Variants in STK3 observed in about 807,000 individuals in gnomAD.
STK3 encodes the protein serine/threonine kinase 3, also known as serine/threonine-protein kinase 3.
In STK3, 41 loss-of-function variants were observed where a neutral mutation model predicts 58.0. The ratio of observed to expected loss-of-function variants is 0.71; its 90% CI spans 0.55 to 0.92. STK3 has a LOEUF of 0.92. Among genes scored for constraint, STK3 ranks in the 40% least tolerant of loss-of-function variants. STK3 has a pLI of 0.00. For synonymous variants in STK3, 170 were observed against 191.0 expected (o/e 0.89, Z 0.91); for missense variants, 479 against 602.7 (o/e 0.79, Z 2.15).
rs139347196 is a variant in STK3 at position 98,446,618 on chromosome 8, G to C, written n.186-9410C>G. On this transcript the variant is annotated intron_variant and non_coding_transcript_variant, in intron 1 of 3. Transcript: ENST00000517832. Reference sequence around the variant, plus strand: ...AAAAGTCAAAAAATAACAGATGCTGGTGAGGTTGCGGAGAAAAGGGAATGC... The same window carrying C: ...AAAAGTCAAAAAATAACAGATGCTGCTGAGGTTGCGGAGAAAAGGGAATGC... Among the ~76,000 whole-genome samples, 546 of 152,276 alleles carry C rather than the reference G, an allele frequency of 3.6e-3. 2 individuals are homozygous for C. The highest frequency in any genetic ancestry group is 6.2e-3 in the Non-Finnish European group (425 of 68,022).
At chr8:98,373,053 G>C (rs1817627598) in intron 2 of STK3, among the ~76,000 whole-genome samples, 1 of 152,184 alleles carries the variant, frequency 6.6e-6, no homozygotes, top group Non-Finnish European at 1.5e-5. Context: ...CTGTAGGAGG[G>C]GAAAGACAGA....
chr8:98,647,528 A>G (rs1157215748), intron 6 of STK3, among the ~76,000 whole-genome samples: 2 of 152,216 alleles, frequency 1.3e-5, no homozygotes, highest in Non-Finnish European at 2.9e-5. Context: ...CTTAAAATAC[A>G]ATAAATATAT....
downstream of STK3, among the ~76,000 whole-genome samples, chr8:98,450,006 C>T (rs1042161602): frequency 2.6e-5 from 4 of 152,148 alleles, no homozygotes; most frequent in East Asian, 1.9e-4. Context: ...GAGTCATAAA[C>T]CCAATAAAAC....
chr8:98,392,775 G>A (rs1817860379), upstream of STK3, among the ~76,000 whole-genome samples: 1 of 152,178 alleles, frequency 6.6e-6, no homozygotes, highest in South Asian at 2.1e-4. Context: ...CTTGAGGGGG[G>A]CTTTCCACTT....
chr8:98,613,646 A>T (rs1302782695), intron 6 of STK3, among the ~76,000 whole-genome samples: 1 of 151,268 alleles, frequency 6.6e-6, no homozygotes, highest in Non-Finnish European at 1.5e-5. Flanking sequence ...CACAGGAAGT[A>T]AAAAAAAAGA....
chr8:98,374,314 G>A (rs1002828160), intron 2 of STK3, among the ~76,000 whole-genome samples: 5 of 152,152 alleles, frequency 3.3e-5, no homozygotes, highest in Non-Finnish European at 7.4e-5. Context: ...GAAAGAGGCC[G>A]TCTGTCTAAG....
chr8:98,687,486 C>G (rs764065114), intron 6 of STK3, among the ~76,000 whole-genome samples: 2 of 152,174 alleles, frequency 1.3e-5, no homozygotes, highest in Non-Finnish European at 2.9e-5. Flanking sequence ...GCTGTGTGAC[C>G]CGGTTCCTAA....
chr8:98,711,361 A>G (rs2131105320), intron 4 of STK3, among the ~76,000 whole-genome samples: 1 of 152,320 alleles, frequency 6.6e-6, no homozygotes, highest in East Asian at 1.9e-4. Flanking sequence ...GTACGAACCC[A>G]GGCAAAGAAG....
chr8:98,670,229 C>A (rs879698309), intron 6 of STK3, among the ~76,000 whole-genome samples: 1 of 151,908 alleles, frequency 6.6e-6, no homozygotes, highest in African/African-American at 2.4e-5. Flanking sequence ...ATTAGCTAGG[C>A]GTGGTGGTGT....
chr8:98,760,331 G>A (rs950973064), intron 3 of STK3, among the ~76,000 whole-genome samples: 1 of 151,916 alleles, frequency 6.6e-6, no homozygotes. Context: ...GTACAGACAG[G>A]GTCTCACTAC....
At chr8:98,401,931 A>T (rs1208548999) in intron 3 of STK3, among the ~76,000 whole-genome samples, 2 of 152,204 alleles carry the variant, frequency 1.3e-5, no homozygotes, top group Non-Finnish European at 2.9e-5. Flanking sequence ...TTGTAAAAAA[A>T]ATTCAAGGAA....
chr8:98,840,628 T>TATATATATATAC (rs1477381215), intron 3 of STK3, among the ~76,000 whole-genome samples: 11 of 114,460 alleles, frequency 9.6e-5, no homozygotes, highest in South Asian at 2.8e-4. Context: ...TATATATATA[T>TATATATATATAC]ACACACACAT....
At chr8:98,382,994 C>T (rs1477762506) in intron 1 of STK3, among the ~76,000 whole-genome samples, 1 of 152,178 alleles carries the variant, frequency 6.6e-6, no homozygotes, top group African/African-American at 2.4e-5. Context: ...CTCTGGGAAC[C>T]TTCTCTGTGC....
intron 3 of STK3, among the ~76,000 whole-genome samples, chr8:98,409,885 G>T (rs1449424636): frequency 6.6e-6 from 1 of 152,108 alleles, no homozygotes; most frequent in African/African-American, 2.4e-5. Context: ...TACCCTCGTT[G>T]GTCCCTTCCT....
At chr8:98,804,572 G>A (rs1833788988) in intron 1 of STK3, among the ~76,000 whole-genome samples, 1 of 152,142 alleles carries the variant, frequency 6.6e-6, no homozygotes, top group African/African-American at 2.4e-5. Context: ...TTTTAAGGTA[G>A]ATATCCTTTT....
chr8:98,676,535 C>T (rs1046704129), intron 6 of STK3, among the ~76,000 whole-genome samples: 3 of 151,628 alleles, frequency 2.0e-5, no homozygotes, highest in Non-Finnish European at 4.4e-5. Flanking sequence ...ATCGCTTGAA[C>T]CTGAGAGGCA....
intron 1 of STK3, among the ~76,000 whole-genome samples, chr8:98,779,081 T>A (rs902854040): frequency 6.6e-6 from 1 of 152,020 alleles, no homozygotes; most frequent in African/African-American, 2.4e-5. Flanking sequence ...GCAGAATGTT[T>A]CCTTATCCCT....
intron 3 of STK3, among the ~76,000 whole-genome samples, chr8:98,868,771 C>A (rs1218823626): frequency 6.6e-6 from 1 of 151,784 alleles, no homozygotes; most frequent in African/African-American, 2.4e-5. Context: ...GAGTTCGAGA[C>A]CAGCCTGGGC....
At chr8:98,431,425 T>C (rs921418781) in intron 3 of STK3, 2 of 167,086 alleles carry the variant, frequency 1.2e-5, no homozygotes, top group South Asian at 2.1e-4. Flanking sequence ...AGAGTTATTT[T>C]TCAGAATTTG....
Sources: gnomAD v4.1 joint callset for allele counts (sites outside exome capture counted in the v4.1 genomes callset) on GRCh38, gnomAD v4.1.1 for gene constraint, MANE v1.5 for transcripts, NCBI Gene and HGNC (gene_info 2026-07-23, HGNC 2026-07-21) for gene names.